The following CNTN4 variants were observed in gnomAD, a reference collection of about 807,000 sequenced individuals.
The protein encoded by CNTN4 is contactin 4.
CNTN4 carries 77 observed loss-of-function variants against 122.5 expected under a neutral mutation model. The observed-to-expected ratio is 0.63, with a 90% CI of 0.52 to 0.76. The LOEUF is 0.76. CNTN4 is among the 30% of genes least tolerant of loss of function. CNTN4 has a pLI of 0.00. For missense variants in CNTN4, 1,256 were observed against 1,259.1 expected (o/e 1.00, Z 0.04); for synonymous variants, 512 against 447.0 (o/e 1.15, Z -1.83).
intron 2 of CNTN4, among the ~76,000 whole-genome samples, chr3:2,164,862 AC>A (rs889071494): frequency 2.0e-5 from 3 of 152,228 alleles, no homozygotes; most frequent in South Asian, 2.1e-4. Flanking sequence ...TTTAAAAAAA[AC>A]AAAACAAAAC....
At chr3:2,878,237 T>C (rs1047174600) in intron 8 of CNTN4, among the ~76,000 whole-genome samples, 4 of 152,170 alleles carry the variant, frequency 2.6e-5, no homozygotes, top group Non-Finnish European at 5.9e-5. Context: ...TCACTCTGTG[T>C]GACTAGATAA....
At chr3:2,120,399 ATATATATTT>A (rs1201880187) in intron 2 of CNTN4, among the ~76,000 whole-genome samples, 46 of 30,740 alleles carry the variant, frequency 1.5e-3, no homozygotes, top group African/African-American at 4.2e-3. Flanking sequence ...ATATATATAT[ATATATATTT>A]TTTTTTTTTT....
intron 3 of CNTN4, among the ~76,000 whole-genome samples, chr3:2,507,746 AAAAAG>A (rs1346413660): frequency 5.3e-5 from 8 of 150,648 alleles, no homozygotes; most frequent in Admixed American, 1.3e-4. Context: ...AAAAAAAAAA[AAAAAG>A]AAAGAAAGAA....
chr3:2,567,389 A>T (rs2079218573), intron 3 of CNTN4, among the ~76,000 whole-genome samples: 1 of 152,032 alleles, frequency 6.6e-6, no homozygotes, highest in African/African-American at 2.4e-5. Flanking sequence ...CCTGGCCTCA[A>T]GTCCAGAATC....
intron 4 of CNTN4, among the ~76,000 whole-genome samples, chr3:2,720,532 C>T (rs2087783772): frequency 6.6e-6 from 1 of 152,124 alleles, no homozygotes; most frequent in Non-Finnish European, 1.5e-5. Flanking sequence ...TGCTTGCTCA[C>T]TTTATTACTC....
chr3:2,225,778 C>G (rs942015324), intron 2 of CNTN4, among the ~76,000 whole-genome samples: 2 of 152,184 alleles, frequency 1.3e-5, no homozygotes, highest in East Asian at 1.9e-4. Context: ...TAGCTCACAT[C>G]TGACCCCACT....
chr3:2,798,802 C>T (rs2092276036), intron 6 of CNTN4, among the ~76,000 whole-genome samples: 1 of 152,164 alleles, frequency 6.6e-6, no homozygotes, highest in Non-Finnish European at 1.5e-5. Context: ...TTAGCCACTG[C>T]ACCCAGCTGG....
chr3:3,013,254 T>C (rs1697410688), intron 14 of CNTN4, among the ~76,000 whole-genome samples: 1 of 152,170 alleles, frequency 6.6e-6, no homozygotes, highest in South Asian at 2.1e-4. Flanking sequence ...TCGAATGACT[T>C]GCTGGTGGTT....
chr3:2,609,482 T>C (rs572251650), intron 4 of CNTN4, among the ~76,000 whole-genome samples: 1 of 152,328 alleles, frequency 6.6e-6, no homozygotes, highest in Admixed American at 6.5e-5. Context: ...TATTTTGTTA[T>C]AGCAGCAGGA....
At chr3:2,356,412 C>A (rs955223203) in intron 3 of CNTN4, among the ~76,000 whole-genome samples, 1 of 152,106 alleles carries the variant, frequency 6.6e-6, no homozygotes, top group Admixed American at 6.5e-5. Context: ...CCTTTTTAGA[C>A]CGTATAGGGT....
intron 2 of CNTN4, among the ~76,000 whole-genome samples, chr3:2,128,490 G>A (rs900476286): frequency 6.6e-6 from 1 of 152,134 alleles, no homozygotes; most frequent in African/African-American, 2.4e-5. Flanking sequence ...AATGTCAGAG[G>A]CAGGGCTTGG....
At chr3:2,444,975 C>T (rs1408626954) in intron 3 of CNTN4, among the ~76,000 whole-genome samples, 2 of 151,528 alleles carry the variant, frequency 1.3e-5, no homozygotes, top group Admixed American at 6.6e-5. Context: ...AATGCCGCAT[C>T]CCCCCACCCC....
intron 2 of CNTN4, among the ~76,000 whole-genome samples, chr3:2,215,140 A>T (rs2038785252): frequency 6.6e-6 from 1 of 152,184 alleles, no homozygotes; most frequent in East Asian, 1.9e-4. Context: ...AATATTCCAA[A>T]GTGAATGTTT....
chr3:2,936,806 A>C (rs916417226), intron 13 of CNTN4, among the ~76,000 whole-genome samples: 19 of 152,354 alleles, frequency 1.2e-4, no homozygotes, highest in African/African-American at 4.6e-4. Context: ...GAAATAAATC[A>C]AAAGAAAAAT....
At chr3:2,608,881 T>C (rs1220377035) in intron 4 of CNTN4, among the ~76,000 whole-genome samples, 1 of 152,238 alleles carries the variant, frequency 6.6e-6, no homozygotes, top group Admixed American at 6.5e-5. Flanking sequence ...CTTCCACTAC[T>C]GGGAGATTTC....
At chr3:2,769,106 G>T (rs2090978577) in intron 6 of CNTN4, among the ~76,000 whole-genome samples, 1 of 152,136 alleles carries the variant, frequency 6.6e-6, no homozygotes, top group Non-Finnish European at 1.5e-5. Context: ...ACCTTCAAAT[G>T]CTGGTTCCCA....
Position 2,856,699 on chromosome 3 carries a change from G to A in CNTN4, c.455-10053G>A, listed in dbSNP as rs576240932. Among the ~76,000 whole-genome samples, 53 of 152,290 alleles carry A rather than the reference G, an allele frequency of 3.5e-4. No homozygotes were observed. The South Asian group carries it at 9.3e-3, about 27-fold the overall frequency. ...TGTATTGTATGAATCCATTAATCAC[G>A]GATGCCCTTACTCAGCCTCCCTAAA... On this transcript the variant is annotated intron_variant, in intron 7 of 24. Coordinates refer to ENST00000418658, the MANE Select transcript of CNTN4 (RefSeq NM_175607.3).
intron 8 of CNTN4, among the ~76,000 whole-genome samples, chr3:2,879,255 A>G (rs2093880148): frequency 6.6e-6 from 1 of 152,190 alleles, no homozygotes; most frequent in Admixed American, 6.5e-5. Flanking sequence ...CATGACTATA[A>G]GCCAATGAAT....
intron 2 of CNTN4, among the ~76,000 whole-genome samples, chr3:2,230,115 C>T (rs1434735926): frequency 1.3e-5 from 2 of 152,132 alleles, no homozygotes; most frequent in Non-Finnish European, 2.9e-5. Context: ...CTGAGCAATC[C>T]CAGCTGTGAC....
Sources: allele counts gnomAD v4.1 joint callset (sites outside exome capture counted in the v4.1 genomes callset), GRCh38; gene constraint gnomAD v4.1.1; transcripts MANE v1.5; gene names NCBI Gene and HGNC (gene_info 2026-07-23, HGNC 2026-07-21).